Variants in ATAD2 observed in about 807,000 individuals in gnomAD.
ATAD2 encodes the protein ATPase family AAA domain containing 2, also known as ATPase family AAA domain-containing protein 2.
A neutral mutation model predicts 168.9 loss-of-function variants in ATAD2; 62 were observed. The ratio of observed to expected loss-of-function variants is 0.37; its 90% confidence interval spans 0.30 to 0.45. The LOEUF (loss-of-function observed/expected upper bound fraction) is 0.45, where lower values mean the gene tolerates loss of function less well. ATAD2 is among the 20% of genes least tolerant of loss of function. ATAD2 has a pLI of 1.00. For missense variants in ATAD2, 1,419 were observed against 1,667.8 expected (o/e 0.85, Z 2.60); for synonymous variants, 613 against 571.6 (o/e 1.07, Z -1.03).
At chr8:123,352,919 C>T (rs982814123) in intron 13 of ATAD2, among the ~76,000 whole-genome samples, 1 of 151,696 alleles carries the variant, frequency 6.6e-6, no homozygotes, top group East Asian at 1.9e-4. Context: ...AAACAAACAA[C>T]CAAAACCCAG....
intron 23 of ATAD2, 87 bp from the exon 24 acceptor site, chr8:123,334,108 A>C (rs1407780515): frequency 3.9e-6 from 6 of 1,557,734 alleles, no homozygotes; most frequent in Non-Finnish European, 5.2e-6. Flanking sequence ...AATACATCTG[A>C]AGCATCCTTT....
chr8:123,398,083 G>A (rs912330817), upstream of ATAD2, among the ~76,000 whole-genome samples: 2 of 152,056 alleles, frequency 1.3e-5, no homozygotes, highest in African/African-American at 4.8e-5. Context: ...ACAGAGGTTT[G>A]ACTTATTCCG....
chr8:123,354,434 G>A (rs185030576), intron 13 of ATAD2, among the ~76,000 whole-genome samples: 10 of 152,136 alleles, frequency 6.6e-5, no homozygotes, highest in Non-Finnish European at 1.2e-4. Context: ...GGCCAGGCGC[G>A]GTGGCTCATG....
In ATAD2 at chr8:123,369,134, G is replaced by C. The variant is rs757754116; in HGVS notation, c.973C>G (p.Pro325Ala). The stretch of plus-strand genomic sequence containing the variant: ...TATCTTGGTCTTGCAGGAGAAGCTG[G>C]GCCACTATAAAATATGTTGGGCTTT... ...QRKPNIFYSG[P>A]ASPARPRYRL... Residue 325 changes from proline (P) to alanine (A), a missense_variant, in exon 8 of 28, where the codon CCA (proline) becomes GCA (alanine). Coordinates refer to ENST00000287394, the MANE Select transcript of ATAD2 (RefSeq NM_014109.4). 1 of 1,588,152 alleles carries C rather than the reference G, an allele frequency of 6.3e-7. No individual in the cohort carries two copies. Among genetic ancestry groups the C allele is most frequent in the Non-Finnish European group, 8.6e-7 (1 of 1,164,236 alleles).
At chr8:123,392,218 C>T (rs571733018) in intron 1 of ATAD2, among the ~76,000 whole-genome samples, 14 of 152,030 alleles carry the variant, frequency 9.2e-5, no homozygotes, top group South Asian at 6.2e-4. Context: ...AAGTCAAAAT[C>T]CAAGTCCCCG....
chr8:123,381,469 C>T (rs1378589766), intron 1 of ATAD2, among the ~76,000 whole-genome samples: 8 of 151,832 alleles, frequency 5.3e-5, no homozygotes, highest in Non-Finnish European at 8.8e-5. Context: ...CCACTGCACT[C>T]CAGCCTGGGC....
At chr8:123,361,230 T>C (rs1828809928) in intron 9 of ATAD2, among the ~76,000 whole-genome samples, 1 of 150,674 alleles carries the variant, frequency 6.6e-6, no homozygotes, top group Admixed American at 6.6e-5. Flanking sequence ...GGCAGGAGAG[T>C]CGTGTGAACC....
intron 1 of ATAD2, among the ~76,000 whole-genome samples, chr8:123,387,997 T>A (rs181306716): frequency 2.6e-5 from 4 of 152,322 alleles, no homozygotes; most frequent in African/African-American, 9.6e-5. Flanking sequence ...ATGATATACA[T>A]GTTATATCAC....
rs1563854582 is a variant in ATAD2, at chr8:123,369,912, A to ATCT, written c.839_840insAGA (p.Asp279_Asp280insGlu). The ATCT allele has an allele frequency of 1.9e-6, 3 of 1,584,354 alleles. No homozygotes were observed. Among genetic ancestry groups the ATCT allele is most frequent in the Middle Eastern group, 3.3e-4 (2 of 6,006 alleles). On this transcript the variant is annotated inframe_insertion, in exon 7 of 28. Transcript: ENST00000287394. Reference sequence around the variant, plus strand: ...CTTCTTCTCCATCTTCTTCATCTTCATCATCTTCATCATCATCATCATCAT... The same window carrying ATCT: ...CTTCTTCTCCATCTTCTTCATCTTCATCTTCATCTTCATCATCATCATCATCAT...
At chr8:123,368,631 G>T (rs1430781007) in intron 8 of ATAD2, among the ~76,000 whole-genome samples, 2 of 152,190 alleles carry the variant, frequency 1.3e-5, no homozygotes. Context: ...GAAAGGTCTA[G>T]AGGCCATGTA....
Position 123,327,332 on chromosome 8 carries a change from A to G in ATAD2, c.3868+858T>C, listed in dbSNP as rs566717933. 3.3e-5 allele frequency among the ~76,000 whole-genome samples: 5 copies of G among 152,346 alleles called. No homozygotes were observed. The South Asian group carries it at 1.0e-3, about 32-fold the overall frequency. Reference sequence around the variant, plus strand: ...TATTCTTTTTAAAAAGAAAATGATAAAAGAAAAATAAAACAAATCTGATTC... The same window carrying G: ...TATTCTTTTTAAAAAGAAAATGATAGAAGAAAAATAAAACAAATCTGATTC... On this transcript the variant is annotated intron_variant, in intron 25 of 27. Transcript: ENST00000287394.
chr8:123,343,374 ATAGT>A (rs1411363937), intron 19 of ATAD2, among the ~76,000 whole-genome samples: 2 of 152,260 alleles, frequency 1.3e-5, no homozygotes, highest in Middle Eastern at 3.4e-3. Context: ...CTCCACAATA[ATAGT>A]TAGTATTACA....
intron 2 of ATAD2, among the ~76,000 whole-genome samples, chr8:123,376,648 A>G (rs1221643987): frequency 6.6e-6 from 1 of 152,132 alleles, no homozygotes; most frequent in East Asian, 1.9e-4. Context: ...ATCTCAATAA[A>G]CTGTTATTAA....
intron 13 of ATAD2, among the ~76,000 whole-genome samples, chr8:123,349,990 T>A (rs1162728981): frequency 6.6e-6 from 1 of 151,392 alleles, no homozygotes; most frequent in Non-Finnish European, 1.5e-5. Flanking sequence ...CATTCCAGCC[T>A]GGGTGACAGA....
At chr8:123,377,310 T>C (rs1046554311) in intron 2 of ATAD2, among the ~76,000 whole-genome samples, 2 of 151,848 alleles carry the variant, frequency 1.3e-5, no homozygotes, top group African/African-American at 2.4e-5. Flanking sequence ...AGAAATTCAA[T>C]ATATTTTAGA....
At position 123,396,227 on chromosome 8, in the gene ATAD2, G is replaced by T; in HGVS notation, c.131C>A (p.Ala44Glu). 1.2e-6 allele frequency: 2 copies of T among 1,600,158 alleles called. No homozygotes were observed. Among genetic ancestry groups the T allele is most frequent in the African/African-American group, 1.3e-5 (1 of 74,720 alleles). Residue 44 changes from alanine (A) to glutamate (E), a missense_variant, in exon 1 of 28, where the codon GCG (alanine) becomes GAG (glutamate). By Grantham distance (107) the Ala-to-Glu change is moderately radical (BLOSUM62 -1). Transcript: ENST00000287394. ...GGTCGCCGCGGGTTTCTTCTGCGCCGCGCCGGCCGAGCGGAGCCGCCTCCG... is the reference window on the plus strand; with the variant it reads ...GGTCGCCGCGGGTTTCTTCTGCGCCTCGCCGGCCGAGCGGAGCCGCCTCCG... The part of the protein sequence containing the change: ...IGRRRLRSAG[A>E]AQKKPAATTA...
At chr8:123,359,018 T>C (rs1451815403) in intron 11 of ATAD2, among the ~76,000 whole-genome samples, 1 of 152,120 alleles carries the variant, frequency 6.6e-6, no homozygotes, top group Non-Finnish European at 1.5e-5. Context: ...ATATTACTTT[T>C]ATGATGGGGG....
chr8:123,328,404 T>G lies in ATAD2; in HGVS notation c.3654A>C (p.Thr1218=). ...CATTTTCTTCCACCGAAGACTCTCC[T>G]GTGTTTCCGGTCTCATTATGATCTA... is the stretch of plus-strand genomic sequence containing the variant. The part of the protein sequence containing the change: ...TSVDHNETGN[T]GESSVEENEK... The change falls in exon 25 of 28, where the codon ACA becomes ACC. Residue 1218 remains threonine, a synonymous_variant. Transcript: ENST00000287394. The G allele has an allele frequency of 6.3e-7, 1 of 1,587,936 alleles. No individual in the cohort carries two copies. Among genetic ancestry groups the G allele is most frequent in the Non-Finnish European group, 8.6e-7 (1 of 1,168,152 alleles).
Position 123,322,997 on chromosome 8 carries a change from C to T in ATAD2, c.4072G>A (p.Val1358Ile). 6.2e-7 allele frequency: 1 copy of T among 1,613,518 alleles called. No homozygotes were observed. Among genetic ancestry groups the T allele is most frequent in the Non-Finnish European group, 8.5e-7 (1 of 1,179,532 alleles). Residue 1358 changes from valine (V) to isoleucine (I), a missense_variant, in exon 27 of 28, where the codon GTA becomes ATA. Physicochemically the swap from Val to Ile is conservative, Grantham distance 29 (BLOSUM62 3). Transcript: ENST00000287394. Reference sequence around the variant, plus strand: ...TGCCGATAAATACATTGGCTGATTACTGCATACAAATTTTCCAACTGAAAT... The same window carrying T: ...TGCCGATAAATACATTGGCTGATTATTGCATACAAATTTTCCAACTGAAAT... ...NIFQLENLYA[V>I]ISQCIYRHRK...
Sources: allele counts gnomAD v4.1 joint callset (sites outside exome capture counted in the v4.1 genomes callset), GRCh38; gene constraint gnomAD v4.1.1; transcripts MANE v1.5; gene names NCBI Gene and HGNC (gene_info 2026-07-23, HGNC 2026-07-21).